The following KCNMA1 variants were observed in gnomAD, a reference collection of about 807,000 sequenced individuals.
KCNMA1 encodes Calcium-activated potassium channel subunit alpha-1.
A neutral mutation model predicts 140.0 loss-of-function variants in KCNMA1; 29 were observed. That is an observed-to-expected ratio of 0.21 (90% CI 0.15 to 0.28). The LOEUF is 0.28. Ranked by LOEUF, KCNMA1 falls within the 10% of genes least tolerant of loss-of-function variation. KCNMA1 has a pLI of 1.00. For synonymous variants in KCNMA1, 612 were observed against 611.9 expected (o/e 1.00, Z 0.00); for missense variants, 880 against 1,602.2 (o/e 0.55, Z 7.70).
chr10:77,233,878 T>C (rs956455469), intron 3 of KCNMA1, among the ~76,000 whole-genome samples: 4 of 152,106 alleles, frequency 2.6e-5, no homozygotes, highest in Non-Finnish European at 4.4e-5. Context: ...TTAGCCCCAC[T>C]TTGTTCAGTC....
intron 24 of KCNMA1, chr10:76,914,245 C>T (rs984051595): frequency 7.6e-6 from 6 of 789,804 alleles, no homozygotes; most frequent in Admixed American, 2.3e-5. Flanking sequence ...AAAGGGACCC[C>T]GGACCACAGG....
At chr10:77,185,029 T>C in intron 3 of KCNMA1, 113 bp from the exon 4 acceptor site, 1 of 765,468 alleles carries the variant, frequency 1.3e-6, no homozygotes, top group South Asian at 1.4e-5. Context: ...TGAATATTCA[T>C]AAAAGAAAAC....
intron 5 of KCNMA1, among the ~76,000 whole-genome samples, chr10:77,146,539 A>T (rs1165819855): frequency 6.6e-6 from 1 of 151,848 alleles, no homozygotes. Context: ...CGTCTCTTCT[A>T]AAAAATACAA....
chr10:77,263,067 T>C (rs1356846136), intron 2 of KCNMA1, among the ~76,000 whole-genome samples: 3 of 152,162 alleles, frequency 2.0e-5, no homozygotes, highest in African/African-American at 7.2e-5. Flanking sequence ...CATATGTATA[T>C]TTAAAAACTC....
intron 1 of KCNMA1, among the ~76,000 whole-genome samples, chr10:77,429,340 T>C (rs1409551943): frequency 6.6e-6 from 1 of 152,188 alleles, no homozygotes; most frequent in East Asian, 1.9e-4. Flanking sequence ...GTCCTGTATA[T>C]TGCAGGAGGT....
chr10:77,516,390 T>C (rs899018204), intron 1 of KCNMA1, among the ~76,000 whole-genome samples: 2 of 152,216 alleles, frequency 1.3e-5, no homozygotes, highest in Non-Finnish European at 1.5e-5. Flanking sequence ...TGTGCACTTA[T>C]GGCCACCTGG....
chr10:77,609,052 C>A (rs984923631), intron 1 of KCNMA1, among the ~76,000 whole-genome samples: 4 of 152,072 alleles, frequency 2.6e-5, no homozygotes, highest in Admixed American at 1.3e-4. Context: ...TCAGAAAAAT[C>A]AAAAATAGAA....
intron 20 of KCNMA1, among the ~76,000 whole-genome samples, chr10:76,960,702 T>C (rs2071015704): frequency 7.1e-6 from 1 of 139,864 alleles, no homozygotes; most frequent in African/African-American, 2.6e-5. Context: ...AGATTTCACA[T>C]AATTCTTAAT....
At chr10:77,110,541 G>C in intron 7 of KCNMA1, among the ~76,000 whole-genome samples, 198 bp from the exon 8 acceptor site, 1 of 152,224 alleles carries the variant, frequency 6.6e-6, no homozygotes, top group East Asian at 1.9e-4. Flanking sequence ...AAGTGGAGAA[G>C]CAGCTGCAGG....
intron 5 of KCNMA1, among the ~76,000 whole-genome samples, chr10:77,179,706 T>G (rs569311163): frequency 6.6e-6 from 1 of 152,222 alleles, no homozygotes; most frequent in South Asian, 2.1e-4. Flanking sequence ...TACTGGGGAA[T>G]GCACCCCTCC....
chr10:77,572,495 T>C (rs555268709), intron 1 of KCNMA1, among the ~76,000 whole-genome samples: 164 of 141,338 alleles, frequency 1.2e-3, no homozygotes, highest in African/African-American at 4.2e-3. Context: ...TATGTCTGGA[T>C]CACTTGAGCC....
chr10:77,044,889 G>A (rs922960649), intron 14 of KCNMA1, among the ~76,000 whole-genome samples: 1 of 152,012 alleles, frequency 6.6e-6, no homozygotes, highest in Admixed American at 6.5e-5. Flanking sequence ...GGAGGTTGTG[G>A]TGTTAGGATT....
chr10:76,992,731 T>C (rs2083145914), intron 19 of KCNMA1, among the ~76,000 whole-genome samples: 1 of 152,138 alleles, frequency 6.6e-6, no homozygotes. Flanking sequence ...TCACGGATGC[T>C]GACATAAGTA....
chr10:76,964,115 T>C (rs945401956), intron 20 of KCNMA1, among the ~76,000 whole-genome samples: 1 of 151,818 alleles, frequency 6.6e-6, no homozygotes, highest in Non-Finnish European at 1.5e-5. Flanking sequence ...CTTCTGATAA[T>C]GATCATCACC....
chr10:76,998,730 G>A (rs2085192051), intron 19 of KCNMA1, among the ~76,000 whole-genome samples: 1 of 152,126 alleles, frequency 6.6e-6, no homozygotes, highest in Non-Finnish European at 1.5e-5. Flanking sequence ...TCTGTCAAAT[G>A]GGCACCACCC....
chr10:77,629,146 C>A (rs1181586083), intron 1 of KCNMA1, among the ~76,000 whole-genome samples: 1 of 152,188 alleles, frequency 6.6e-6, no homozygotes, highest in African/African-American at 2.4e-5. Flanking sequence ...AAGTGTATAT[C>A]CATTCTGGGC....
intron 12 of KCNMA1, 24 bp downstream of exon 12, chr10:77,084,613 C>T (rs2096652858): frequency 6.3e-7 from 1 of 1,596,404 alleles, no homozygotes; most frequent in African/African-American, 1.3e-5. Context: ...AGCCCAGGGC[C>T]TTCCGCAGCG....
At chr10:77,428,833 T>C (rs1459159481) in intron 1 of KCNMA1, among the ~76,000 whole-genome samples, 1 of 152,222 alleles carries the variant, frequency 6.6e-6, no homozygotes, top group African/African-American at 2.4e-5. Flanking sequence ...AAGAGCCAGA[T>C]AGTCTTCTTG....
intron 14 of KCNMA1, among the ~76,000 whole-genome samples, chr10:77,047,436 A>G (rs573443326): frequency 6.6e-6 from 1 of 152,330 alleles, no homozygotes; most frequent in East Asian, 1.9e-4. Flanking sequence ...CCCTCACTCC[A>G]TTATCCCAAC....
Sources: allele counts gnomAD v4.1 joint callset (sites outside exome capture counted in the v4.1 genomes callset), GRCh38; gene constraint gnomAD v4.1.1; transcripts MANE v1.5; gene names NCBI Gene and HGNC (gene_info 2026-07-23, HGNC 2026-07-21).